The following HSD17B12 variants were observed in gnomAD, a reference collection of about 807,000 sequenced individuals.
HSD17B12 encodes very-long-chain 3-oxoacyl-CoA reductase.
Under a neutral mutation model 39.3 loss-of-function variants are expected in HSD17B12, and 32 were observed. The ratio of observed to expected loss-of-function variants is 0.81; its 90% confidence interval spans 0.61 to 1.09. The LOEUF (loss-of-function observed/expected upper bound fraction) is 1.09, where lower values mean the gene tolerates loss of function less well. Among genes scored for constraint, HSD17B12 ranks in the 50% least tolerant of loss-of-function variants. The pLI is 0.00. For synonymous variants in HSD17B12, 150 were observed against 146.7 expected, an observed-to-expected ratio of 1.02 and a Z score of -0.16; for missense variants, 342 against 382.9, an observed-to-expected ratio of 0.89 and a Z score of 0.89.
Position 43,855,392 on chromosome 11 carries a change from T to C in HSD17B12, c.*144T>C, listed in dbSNP as rs1163471985. 6.3e-6 allele frequency: 3 copies of C among 477,572 alleles called. No homozygotes were observed. The highest frequency in any genetic ancestry group is 4.0e-5 in the South Asian group (1 of 25,218). 29.6% of individuals were successfully genotyped at this position (477,572 alleles called of 1,614,324 possible). On this transcript the variant is annotated 3_prime_UTR_variant, in exon 11 of 11. Transcript: ENST00000278353. ...AATATTATCTTAATTAAGAGGAAAA[T>C]AGAAGTTGCTTTTAGGGGTTTCTGA...
chr11:43,711,476 T>G (rs1029180638), intron 1 of HSD17B12, among the ~76,000 whole-genome samples: 28 of 142,984 alleles, frequency 2.0e-4, no homozygotes, highest in African/African-American at 7.2e-4. Context: ...GTTGGTTGGT[T>G]TTTTTTTTTT....
At chr11:43,801,595 GATATATATATATATATATA>G (rs1950968808) in intron 4 of HSD17B12, among the ~76,000 whole-genome samples, 2 of 72,796 alleles carry the variant, frequency 2.7e-5, no homozygotes, top group Non-Finnish European at 6.4e-5. Flanking sequence ...GATAGTTGGA[GATATATATATATATATATA>G]TATATATATA....
chr11:43,837,304 G>A (rs1383612467), intron 7 of HSD17B12, among the ~76,000 whole-genome samples: 6 of 152,086 alleles, frequency 3.9e-5, no homozygotes, highest in African/African-American at 1.2e-4. Context: ...AGTAAATTCA[G>A]ACAAAGAACA....
chr11:43,578,639 C>A, the HSD17B12 span, among the ~76,000 whole-genome samples: 1 of 152,140 alleles, frequency 6.6e-6, no homozygotes, highest in South Asian at 2.1e-4. Context: ...CCCCTCTCAG[C>A]CCTGCAAGTT....
chr11:43,738,410 G>A (rs1950336038), intron 1 of HSD17B12, among the ~76,000 whole-genome samples: 1 of 136,534 alleles, frequency 7.3e-6, no homozygotes, highest in Non-Finnish European at 1.6e-5. Context: ...AGTGTGTGTT[G>A]TTCCCCGGAA....
At chr11:43,578,692 TA>T in the HSD17B12 span, among the ~76,000 whole-genome samples, 629 of 149,252 alleles carry the variant, frequency 4.2e-3, 3 homozygotes, top group African/African-American at 0.015. Flanking sequence ...GCAAAGGAAA[TA>T]GGGGTGGGGG....
At chr11:43,565,983 C>T in the HSD17B12 span, among the ~76,000 whole-genome samples, 8 of 152,034 alleles carry the variant, frequency 5.3e-5, no homozygotes, top group African/African-American at 1.5e-4. Context: ...GATGGAACTC[C>T]ACTTCTGTCT....
At chr11:43,762,972 T>G (rs1245066133) in intron 3 of HSD17B12, among the ~76,000 whole-genome samples, 2 of 152,196 alleles carry the variant, frequency 1.3e-5, no homozygotes, top group Non-Finnish European at 2.9e-5. Context: ...TCCCATATCA[T>G]GGGCTTGATA....
chr11:43,705,761 CTTTTTT>C (rs56979348), intron 1 of HSD17B12, among the ~76,000 whole-genome samples: 1 of 62,476 alleles, frequency 1.6e-5, no homozygotes. Context: ...CCTCTCTCCT[CTTTTTT>C]TTTTTTTTTT....
intron 9 of HSD17B12, chr11:43,854,497 C>A: frequency 2.0e-6 from 1 of 491,886 alleles, no homozygotes; most frequent in East Asian, 3.2e-5. Flanking sequence ...TCTCTGGTCT[C>A]AAACTCTGTT....
At chr11:43,649,163 A>G in the HSD17B12 span, among the ~76,000 whole-genome samples, 1 of 151,896 alleles carries the variant, frequency 6.6e-6, no homozygotes, top group Non-Finnish European at 1.5e-5. Flanking sequence ...GTAGTTTATA[A>G]GGGGAGAAAA....
chr11:43,564,575 T>C, the HSD17B12 span, among the ~76,000 whole-genome samples: 3 of 152,220 alleles, frequency 2.0e-5, no homozygotes, highest in Non-Finnish European at 2.9e-5. Flanking sequence ...TGGTCACTGC[T>C]GAGGGGTTGA....
intron 1 of HSD17B12, among the ~76,000 whole-genome samples, chr11:43,712,003 G>A (rs1391373015): frequency 1.3e-5 from 2 of 152,176 alleles, no homozygotes; most frequent in Non-Finnish European, 2.9e-5. Context: ...CTCAGGCCAT[G>A]AAGTAGGGGT....
the HSD17B12 span, among the ~76,000 whole-genome samples, chr11:43,615,104 T>C: frequency 6.6e-6 from 1 of 152,198 alleles, no homozygotes; most frequent in East Asian, 1.9e-4. Context: ...TTGAGTTTTA[T>C]TCTGTCAGGT....
chr11:43,855,192 A>G lies in HSD17B12; in HGVS notation c.883A>G (p.Met295Val), dbSNP rs1273799913. ...LPSWIYLKIV[M>V]NMNKSTRAHY... is the part of the protein sequence containing the mutation. ...TTCTTGGATTTATTTGAAAATAGTC[A>G]TGAATATGAACAAGTCTACACGGGC... is the stretch of plus-strand genomic sequence containing the variant. The change falls in exon 11 of 11, where the codon ATG becomes GTG. Residue 295 changes from methionine (M) to valine (V), a missense_variant. Met to Val is a conservative substitution (Grantham distance 21). Coordinates refer to ENST00000278353, the MANE Select transcript of HSD17B12 (RefSeq NM_016142.3). 6.2e-7 allele frequency: 1 copy of G among 1,612,178 alleles called. No homozygotes were observed. Among genetic ancestry groups the G allele is most frequent in the Admixed American group, 1.7e-5 (1 of 59,660 alleles).
intron 9 of HSD17B12, among the ~76,000 whole-genome samples, chr11:43,844,017 G>A (rs1478124224): frequency 1.3e-5 from 2 of 152,158 alleles, no homozygotes; most frequent in Non-Finnish European, 2.9e-5. Flanking sequence ...CTGTTTTGAT[G>A]GCTTTTTGAG....
intron 1 of HSD17B12, among the ~76,000 whole-genome samples, chr11:43,696,259 G>T (rs991182195): frequency 1.3e-5 from 2 of 152,104 alleles, no homozygotes; most frequent in African/African-American, 4.8e-5. Context: ...AGAATATAGT[G>T]ATGAGCAAGA....
chr11:43,700,251 T>C (rs1949951536), intron 1 of HSD17B12, among the ~76,000 whole-genome samples: 1 of 152,146 alleles, frequency 6.6e-6, no homozygotes, highest in Non-Finnish European at 1.5e-5. Flanking sequence ...ACAGTAGGTA[T>C]ATATATTTTT....
the HSD17B12 span, among the ~76,000 whole-genome samples, chr11:43,560,504 G>A: frequency 6.6e-6 from 1 of 152,132 alleles, no homozygotes; most frequent in African/African-American, 2.4e-5. Flanking sequence ...GAAGCATCTG[G>A]TTCAAACAGA....
Sources: allele counts gnomAD v4.1 joint callset (sites outside exome capture counted in the v4.1 genomes callset), GRCh38; gene constraint gnomAD v4.1.1; transcripts MANE v1.5; gene names NCBI Gene and HGNC (gene_info 2026-07-23, HGNC 2026-07-21).